Variants in SDCCAG8 observed in about 807,000 individuals in gnomAD.
SDCCAG8 encodes serologically defined colon cancer antigen 8.
In SDCCAG8, 74 loss-of-function variants were observed where a neutral mutation model predicts 101.8. The ratio of observed to expected loss-of-function variants is 0.73; its 90% CI spans 0.60 to 0.88. The LOEUF (loss-of-function observed/expected upper bound fraction) is 0.88, where lower values mean the gene tolerates loss of function less well. Among genes scored for constraint, SDCCAG8 ranks in the 40% least tolerant of loss-of-function variants. The pLI is 0.00. For missense variants in SDCCAG8, 787 were observed against 822.6 expected (o/e 0.96, Z 0.53); for synonymous variants, 281 against 292.9 (o/e 0.96, Z 0.41).
chr1:243,408,068 A>T lies in SDCCAG8; in HGVS notation c.1617-7634A>T, dbSNP rs145409807. On this transcript the variant is annotated intron_variant, in intron 13 of 17. Transcript: ENST00000366541. ...TTTTGTTTTATTTTCAATAATAATA[A>T]TAAATTCTTGCAAAAATAGAGATTA... Among the ~76,000 whole-genome samples the T allele has an allele frequency of 2.4e-4, 37 of 152,328 alleles. 1 individual carries two copies. Among genetic ancestry groups the T allele is most frequent in the African/African-American group, 8.2e-4 (34 of 41,574 alleles).
chr1:243,431,183 C>T lies in SDCCAG8; in HGVS notation c.1985+4625C>T, dbSNP rs533192973. Among the ~76,000 whole-genome samples, 8 of 152,194 alleles carry T rather than the reference C, an allele frequency of 5.3e-5. No individual in the cohort carries two copies. In the South Asian group the frequency reaches 8.3e-4, roughly 16 times the overall value. Reference sequence around the variant, plus strand: ...CTGCACTCAAGCCTGGGTGATAGAGCGAGACTTTGTCTAAAAAATCAAACA... The same window carrying T: ...CTGCACTCAAGCCTGGGTGATAGAGTGAGACTTTGTCTAAAAAATCAAACA... On this transcript the variant is annotated intron_variant, in intron 16 of 17. Coordinates refer to ENST00000366541, the MANE Select transcript of SDCCAG8 (RefSeq NM_006642.5).
intron 16 of SDCCAG8, among the ~76,000 whole-genome samples, chr1:243,485,022 C>T (rs895799547): frequency 4.1e-5 from 6 of 147,464 alleles, no homozygotes; most frequent in South Asian, 2.1e-4. Context: ...CCAGCCTGGG[C>T]AACAGAGCAA....
intron 6 of SDCCAG8, among the ~76,000 whole-genome samples, chr1:243,294,321 G>C (rs2070574189): frequency 6.6e-6 from 1 of 151,954 alleles, no homozygotes; most frequent in Admixed American, 6.6e-5. Context: ...CTTTTGTTTT[G>C]AGACATTTCC....
In SDCCAG8 at chr1:243,288,169, T is replaced by C. The variant is rs549306652; in HGVS notation, c.546+1772T>C. ...CCCACGTTTTACCTGTGTAAGTGAATTGAAATATTTCAAGGCCAGATACAG... is the reference window on the plus strand; with the variant it reads ...CCCACGTTTTACCTGTGTAAGTGAACTGAAATATTTCAAGGCCAGATACAG... On this transcript the variant is annotated intron_variant, in intron 5 of 17. Transcript: ENST00000366541. Among the ~76,000 whole-genome samples the C allele has an allele frequency of 4.6e-5, 7 of 152,248 alleles. No individual in the cohort carries two copies. The East Asian group carries it at 7.7e-4, about 17-fold the overall frequency.
intron 9 of SDCCAG8, among the ~76,000 whole-genome samples, chr1:243,323,027 C>T (rs1003339355): frequency 1.3e-4 from 19 of 150,910 alleles, no homozygotes; most frequent in African/African-American, 4.4e-4. Flanking sequence ...CCCAGCTACT[C>T]GGGAGGCTGA....
At chr1:243,324,550 C>G (rs1419352092) in intron 9 of SDCCAG8, among the ~76,000 whole-genome samples, 1 of 148,454 alleles carries the variant, frequency 6.7e-6, no homozygotes, top group Non-Finnish European at 1.5e-5. Flanking sequence ...CCTTGCACTC[C>G]TGAGCTCAGC....
intron 7 of SDCCAG8, chr1:243,307,702 T>G: frequency 7.5e-7 from 1 of 1,325,056 alleles, no homozygotes; most frequent in Non-Finnish European, 9.6e-7. Flanking sequence ...GGTTGGATCC[T>G]GGGACAAGAG....
intron 8 of SDCCAG8, among the ~76,000 whole-genome samples, chr1:243,309,561 A>G (rs1022407567): frequency 1.3e-5 from 2 of 152,180 alleles, no homozygotes; most frequent in Non-Finnish European, 2.9e-5. Context: ...CTGGAATGTA[A>G]TGGCACAATC....
chr1:243,470,236 G>T (rs1660962536), intron 16 of SDCCAG8, among the ~76,000 whole-genome samples: 1 of 152,094 alleles, frequency 6.6e-6, no homozygotes. Flanking sequence ...GACGGGGCTG[G>T]GGCCTCAGAA....
chr1:243,370,801 A>T (rs1266674591), intron 12 of SDCCAG8, among the ~76,000 whole-genome samples: 1 of 152,136 alleles, frequency 6.6e-6, no homozygotes, highest in Non-Finnish European at 1.5e-5. Flanking sequence ...AGAAAAAAAA[A>T]GTTTCTTAAA....
chr1:243,424,649 A>G (rs1350045331), intron 15 of SDCCAG8, among the ~76,000 whole-genome samples: 2 of 151,996 alleles, frequency 1.3e-5, no homozygotes, highest in African/African-American at 4.8e-5. Flanking sequence ...AACATAACCA[A>G]GCTCCTGTTG....
At chr1:243,481,505 A>G (rs937083077) in intron 16 of SDCCAG8, among the ~76,000 whole-genome samples, 11 of 152,228 alleles carry the variant, frequency 7.2e-5, no homozygotes, top group African/African-American at 2.7e-4. Context: ...GGCATTTAGT[A>G]AATGCTCAGT....
chr1:243,356,158 G>A (rs1418192746), intron 12 of SDCCAG8, among the ~76,000 whole-genome samples: 1 of 152,132 alleles, frequency 6.6e-6, no homozygotes, highest in Non-Finnish European at 1.5e-5. Context: ...TTTAAAGGCG[G>A]CGTCAACACA....
chr1:243,306,014 A>T (rs1362191288), intron 7 of SDCCAG8: 2 of 147,966 alleles, frequency 1.4e-5, no homozygotes, highest in Admixed American at 1.4e-4. Flanking sequence ...TGAACCCAGG[A>T]GATAGAGGTT....
chr1:243,341,292 G>A (rs1457416826), intron 11 of SDCCAG8, 119 bp downstream of exon 11: 2 of 1,110,286 alleles, frequency 1.8e-6, no homozygotes, highest in East Asian at 2.5e-5. Context: ...GAAAAGTTTT[G>A]TGATTTCAAG....
intron 16 of SDCCAG8, among the ~76,000 whole-genome samples, chr1:243,471,552 C>A (rs1661271729): frequency 6.6e-6 from 1 of 152,102 alleles, no homozygotes; most frequent in Non-Finnish European, 1.5e-5. Context: ...GCTCAGCAGG[C>A]CAGCTTTTCG....
intron 12 of SDCCAG8, among the ~76,000 whole-genome samples, chr1:243,359,830 GGTCAGTCTTT>G (rs2076596410): frequency 6.6e-6 from 1 of 152,094 alleles, no homozygotes; most frequent in South Asian, 2.1e-4. Flanking sequence ...CTCACTCCTA[GGTCAGTCTTT>G]GTTGTGCTAT....
At chr1:243,325,867 A>G (rs1307931056) in intron 9 of SDCCAG8, among the ~76,000 whole-genome samples, 1 of 152,250 alleles carries the variant, frequency 6.6e-6, no homozygotes, top group African/African-American at 2.4e-5. Context: ...AAGTTATTTC[A>G]ATTGGTGATA....
chr1:243,431,790 G>A (rs2081786150), intron 16 of SDCCAG8, among the ~76,000 whole-genome samples: 1 of 152,128 alleles, frequency 6.6e-6, no homozygotes. Context: ...GAGCACCTGT[G>A]TCCTCTCATC....
Sources: gnomAD v4.1 joint callset for allele counts (sites outside exome capture counted in the v4.1 genomes callset) on GRCh38, gnomAD v4.1.1 for gene constraint, MANE v1.5 for transcripts, NCBI Gene and HGNC (gene_info 2026-07-23, HGNC 2026-07-21) for gene names.